MACF1: variants seen among roughly 807,000 people sequenced by gnomAD.
MACF1 encodes microtubule-actin cross-linking factor 1.
MACF1 carries 193 observed loss-of-function variants against 854.8 expected under a neutral mutation model. The ratio of observed to expected loss-of-function variants is 0.23; its 90% CI spans 0.20 to 0.25. MACF1 has a LOEUF of 0.25. Ranked by LOEUF, MACF1 falls within the 10% of genes least tolerant of loss-of-function variation. The pLI is 1.00. For missense variants in MACF1, 7,722 were observed against 8,929.1 expected (o/e 0.86, Z 5.45); for synonymous variants, 3,185 against 3,226.7 (o/e 0.99, Z 0.44).
rs866349518 is a variant in MACF1, at chr1:39,102,217, G to A, written c.220+17779G>A. On this transcript the variant is annotated intron_variant, in intron 2 of 93. Transcript: ENST00000361689. ...AAAGAGAGAGAGAGAGAGAGAAAGA[G>A]AGAGAGAAAGAAAAGAAAAGAAAGA... Among the ~76,000 whole-genome samples the A allele has an allele frequency of 2.9e-3, 412 of 143,122 alleles. 1 individual carries two copies. Among genetic ancestry groups the A allele is most frequent in the Non-Finnish European group, 5.0e-3 (324 of 64,764 alleles). The allele number at this position is 143,122 out of a possible 152,430, so 93.9% of individuals were successfully genotyped here.
intron 2 of MACF1, among the ~76,000 whole-genome samples, chr1:39,198,682 G>A (rs1233374625): frequency 6.6e-6 from 1 of 150,756 alleles, no homozygotes; most frequent in African/African-American, 2.4e-5. Flanking sequence ...AAAATTAGCT[G>A]GGCGTGGTGG....
chr1:39,292,822 G>A lies in MACF1; in HGVS notation c.1971G>A (p.Glu657=). 6.2e-7 allele frequency: 1 copy of A among 1,613,230 alleles called. No homozygotes were observed. Among genetic ancestry groups the A allele is most frequent in the South Asian group, 1.1e-5 (1 of 90,828 alleles). Residue 657 remains glutamate (E), a synonymous_variant, in exon 17 of 101, where the codon GAG becomes GAA. Coordinates refer to ENST00000564288, the MANE Select transcript of MACF1 (RefSeq NM_001394062.1). ...ATGCTGAAACTCTTGGAAAGCTGGAGACACAGTATTGTAAATTGAAGGTGA... is the reference window on the plus strand; with the variant it reads ...ATGCTGAAACTCTTGGAAAGCTGGAAACACAGTATTGTAAATTGAAGGTGA... The part of the protein sequence containing the change: ...TSYAETLGKL[E]TQYCKLKETS...
chr1:39,203,504 C>T (rs1048068260), upstream of MACF1, among the ~76,000 whole-genome samples: 3 of 152,214 alleles, frequency 2.0e-5, no homozygotes, highest in African/African-American at 7.2e-5. Context: ...TGCATCTGGC[C>T]TGATTTAGTG....
chr1:39,463,773 A>G (rs552798057), intron 94 of MACF1, 87 bp downstream of exon 94: 3 of 1,189,512 alleles, frequency 2.5e-6, no homozygotes, highest in Admixed American at 1.8e-5. Context: ...TTAGAGGCCC[A>G]GAGCCCATCG....
chr1:39,270,068 C>CA (rs1645286975), intron 6 of MACF1, among the ~76,000 whole-genome samples: 1 of 152,198 alleles, frequency 6.6e-6, no homozygotes, highest in African/African-American at 2.4e-5. Flanking sequence ...TAATGTAGCA[C>CA]AAGAGACGAT....
In MACF1 at chr1:39,387,900, A is replaced by G; in HGVS notation, c.15058A>G (p.Lys5020Glu). The part of the protein sequence containing the change: ...QRLREFQESF[K>E]NIEKKVEGAK... ...GCTCAGGGAGTTCCAGGAAAGCTTT[A>G]AGAATATTGAAAAGAAGGTTGAAGG... Residue 5020 changes from lysine to glutamate, a missense_variant, in exon 58 of 101, where the codon AAG becomes GAG. By Grantham distance (56) the Lys-to-Glu change is moderately conservative. Around this residue, in one of 15 missense-constraint regions of MACF1, gnomAD observed 2,807 missense variants for 3,235.8 expected, o/e 0.87. Transcript: ENST00000564288. 1.2e-6 allele frequency: 2 copies of G among 1,614,010 alleles called. No homozygotes were observed. The highest frequency in any genetic ancestry group is 8.5e-7 in the Non-Finnish European group (1 of 1,180,034).
rs186985414 is a variant in MACF1, at chr1:39,473,241, G to A, written c.21958+3626G>A. On this transcript the variant is annotated intron_variant, in intron 97 of 100. Coordinates refer to ENST00000564288, the MANE Select transcript of MACF1 (RefSeq NM_001394062.1). ...GCCCTCAGCAGTCATTTAATGAGGC[G>A]TTACAATGTACCTACCTCATGGTGG... Among the ~76,000 whole-genome samples, 105 of 152,312 alleles carry A rather than the reference G, an allele frequency of 6.9e-4. 2 individuals are homozygous for A. The highest frequency in any genetic ancestry group is 2.0e-3 in the Admixed American group (31 of 15,300).
intron 52 of MACF1, among the ~76,000 whole-genome samples, chr1:39,375,085 G>C (rs1649596076): frequency 6.6e-6 from 1 of 151,628 alleles, no homozygotes; most frequent in Non-Finnish European, 1.5e-5. Flanking sequence ...ACTCCAGCCT[G>C]GGTGACAGAG....
intron 35 of MACF1, 57 bp downstream of exon 35, chr1:39,324,791 A>G: frequency 7.7e-7 from 1 of 1,295,302 alleles, no homozygotes; most frequent in Non-Finnish European, 1.1e-6. Flanking sequence ...ATCAGTCTAA[A>G]ACTTACAGCC....
intron 2 of MACF1, among the ~76,000 whole-genome samples, chr1:39,242,349 CAAA>C (rs759843162): frequency 2.6e-5 from 3 of 114,590 alleles, no homozygotes; most frequent in African/African-American, 3.5e-5. Flanking sequence ...GACTCTGCCT[CAAA>C]AAAAAAAAAA....
At position 39,333,497 on chromosome 1, in the gene MACF1, T is replaced by G. The variant is rs1224108840; in HGVS notation, c.6909T>G (p.Gly2303=). The G allele has an allele frequency of 6.2e-7, 1 of 1,613,994 alleles. No homozygotes were observed. Among genetic ancestry groups the G allele is most frequent in the Non-Finnish European group, 8.5e-7 (1 of 1,180,016 alleles). The change falls in exon 37 of 101, where the codon GGT becomes GGG. Residue 2303 remains glycine, a synonymous_variant. Coordinates refer to ENST00000564288, the MANE Select transcript of MACF1 (RefSeq NM_001394062.1). ...GTGGTATCTTTCATGAACAAACAGG[T>G]CAAAAGCTCTTACTAAATGAAGCAA... ...LDGGIFHEQT[G]QKLLLNEAIS... is the part of the protein sequence containing the mutation.
rs925918972 is a variant in MACF1 at position 39,318,564 on chromosome 1, A to G, written c.3894A>G (p.Pro1298=). Residue 1298 remains proline (P), a synonymous_variant, in exon 30 of 101, where the codon CCA becomes CCG. Coordinates refer to ENST00000564288, the MANE Select transcript of MACF1 (RefSeq NM_001394062.1). The part of the protein sequence containing the change: ...ETTAQQEMMK[P]GQAEDSRVLS... ...CTGCCCAGCAGGAAATGATGAAGCC[A>G]GGCCAGGCAGAGGATAGCAGAGTGC... 1 of 1,613,992 alleles carries G rather than the reference A, an allele frequency of 6.2e-7. No individual in the cohort carries two copies. Among genetic ancestry groups the G allele is most frequent in the African/African-American group, 1.3e-5 (1 of 75,046 alleles).
intron 2 of MACF1, among the ~76,000 whole-genome samples, chr1:39,130,619 T>C (rs1642977396): frequency 6.6e-6 from 1 of 152,180 alleles, no homozygotes. Context: ...TTCTCTTCTA[T>C]TGTGGAGATG....
chr1:39,235,254 G>C (rs996269412), intron 2 of MACF1, among the ~76,000 whole-genome samples: 1 of 152,248 alleles, frequency 6.6e-6, no homozygotes, highest in Admixed American at 6.5e-5. Context: ...CTGCAATCCC[G>C]GCACCTTGGG....
At chr1:39,393,635 G>A (rs987916635) in intron 58 of MACF1, among the ~76,000 whole-genome samples, 10 of 151,644 alleles carry the variant, frequency 6.6e-5, no homozygotes, top group African/African-American at 2.2e-4. Context: ...AAAATGAGGC[G>A]GCCCTTCTAT....
chr1:39,251,927 G>A lies in MACF1; in HGVS notation c.343G>A (p.Asp115Asn). The change falls in exon 4 of 101, where the codon GAT becomes AAT. Residue 115 changes from aspartate (D) to asparagine (N), a missense_variant. By Grantham distance (23) the Asp-to-Asn change is conservative. Around this residue, in one of 15 missense-constraint regions of MACF1, gnomAD observed 82 missense variants for 84.0 expected, o/e 0.98. Transcript: ENST00000564288. ...AAACAACGAGGAGCAGGCGGAGGAAGATGATGATGATGTAGTAGGTCCTCC... is the reference window on the plus strand; with the variant it reads ...AAACAACGAGGAGCAGGCGGAGGAAAATGATGATGATGTAGTAGGTCCTCC... ...HTNNEEQAEE[D>N]DDDVPREKGR... 1 of 1,506,894 alleles carries A rather than the reference G, an allele frequency of 6.6e-7. No individual in the cohort carries two copies. Among genetic ancestry groups the A allele is most frequent in the African/African-American group, 1.4e-5 (1 of 71,978 alleles). The allele number at this position is 1,506,894 out of a possible 1,614,324, so 93.3% of individuals were successfully genotyped here.
At chr1:39,463,840 C>T (rs1644607133) in intron 94 of MACF1, 154 bp downstream of exon 94, 5 of 611,996 alleles carry the variant, frequency 8.2e-6, no homozygotes, top group Non-Finnish European at 1.5e-5. Context: ...GTGTCAGGTA[C>T]CCTGTTACAT....
At chr1:39,447,279 A>G (rs1164433615) in intron 80 of MACF1, among the ~76,000 whole-genome samples, 153 bp from the exon 81 acceptor site, 1 of 152,180 alleles carries the variant, frequency 6.6e-6, no homozygotes, top group Non-Finnish European at 1.5e-5. Context: ...CCCCTTCTTT[A>G]CAAATAAAGC....
At chr1:39,191,888 C>T (rs1158791232) in intron 2 of MACF1, among the ~76,000 whole-genome samples, 2 of 152,138 alleles carry the variant, frequency 1.3e-5, no homozygotes, top group Non-Finnish European at 2.9e-5. Flanking sequence ...CTGGGCCAGG[C>T]ACGGTGGCTC....
Sources: gnomAD v4.1 joint callset for allele counts (sites outside exome capture counted in the v4.1 genomes callset) on GRCh38, gnomAD v4.1.1 for gene constraint, gnomAD v4.1.1 regional missense constraint, MANE v1.5 for transcripts, NCBI Gene and HGNC (gene_info 2026-07-23, HGNC 2026-07-21) for gene names.